EPS15: variants seen among roughly 807,000 people sequenced by gnomAD.
EPS15 encodes the protein epidermal growth factor receptor pathway substrate 15, also known as epidermal growth factor receptor substrate 15.
In EPS15, 72 loss-of-function variants were observed where a neutral mutation model predicts 113.8. The ratio of observed to expected loss-of-function variants is 0.63; its 90% CI spans 0.52 to 0.77. EPS15 has a LOEUF of 0.77. Ranked by LOEUF, EPS15 falls within the 30% of genes least tolerant of loss-of-function variation. The pLI is 0.00. For missense variants in EPS15, 1,048 were observed against 1,045.8 expected, an observed-to-expected ratio of 1.00 and a Z score of -0.03; for synonymous variants, 344 against 363.4, an observed-to-expected ratio of 0.95 and a Z score of 0.61.
rs1653122828 is a variant in EPS15, at chr1:51,447,102, C to T, written c.655G>A (p.Val219Ile). The change falls in exon 10 of 25, where the codon GTT (valine) becomes ATT (isoleucine). Residue 219 changes from valine (V) to isoleucine (I), a missense_variant. By Grantham distance (29) the Val-to-Ile change is conservative (BLOSUM62 3). Transcript: ENST00000371733. ...TTAGCTTTTTCTGCAGGGGATACAA[C>T]CCACTACAGGGAGGAAAAAAAACAG... Reference protein sequence around the residue: ...LVPPSKRKTWVVSPAEKAKYD... With the variant: ...LVPPSKRKTWIVSPAEKAKYD... 2 of 1,602,438 alleles carry T rather than the reference C, an allele frequency of 1.2e-6. No homozygotes were observed. The highest frequency in any genetic ancestry group is 2.7e-5 in the African/African-American group (2 of 74,102).
At chr1:51,383,807 T>C (rs1027779761) in intron 21 of EPS15, among the ~76,000 whole-genome samples, 6 of 152,158 alleles carry the variant, frequency 3.9e-5, no homozygotes, top group African/African-American at 1.2e-4. Context: ...ATAAAATCTG[T>C]TTGCAAATAA....
chr1:51,399,679 T>C (rs1216309183), intron 19 of EPS15, among the ~76,000 whole-genome samples: 1 of 148,918 alleles, frequency 6.7e-6, no homozygotes, highest in Non-Finnish European at 1.5e-5. Flanking sequence ...GCTAACACAG[T>C]GAAACCCTGT....
chr1:51,423,411 C>G (rs1371334295), intron 12 of EPS15: 1 of 1,111,702 alleles, frequency 9.0e-7, no homozygotes, highest in Non-Finnish European at 1.1e-6. Flanking sequence ...AAATACCCAA[C>G]AAATTCTGCA....
intron 21 of EPS15, among the ~76,000 whole-genome samples, chr1:51,390,211 A>G (rs1464762874): frequency 3.9e-5 from 6 of 151,960 alleles, no homozygotes; most frequent in Non-Finnish European, 8.8e-5. Context: ...ACAAGCAATG[A>G]GGAAAGGATT....
intron 1 of EPS15, among the ~76,000 whole-genome samples, chr1:51,489,286 C>CATATATAT (rs71063034): frequency 0.029 from 4,057 of 141,640 alleles, 86 homozygotes; most frequent in Non-Finnish European, 0.044. Flanking sequence ...CCTAGTATAC[C>CATATATAT]ATATATATAT....
chr1:51,505,839 T>C (rs772491914), intron 1 of EPS15, among the ~76,000 whole-genome samples: 2 of 152,148 alleles, frequency 1.3e-5, no homozygotes, highest in East Asian at 3.8e-4. Flanking sequence ...TCATCCAGGC[T>C]GGAGTGCAAT....
intron 8 of EPS15, among the ~76,000 whole-genome samples, chr1:51,457,378 G>A (rs1273703464): frequency 6.6e-6 from 1 of 151,908 alleles, no homozygotes; most frequent in Non-Finnish European, 1.5e-5. Flanking sequence ...CTAGAGTAAT[G>A]GTTGAAAATC....
chr1:51,495,341 A>G (rs778367546), intron 1 of EPS15, among the ~76,000 whole-genome samples: 9 of 141,870 alleles, frequency 6.3e-5, no homozygotes, highest in Non-Finnish European at 9.3e-5. Context: ...AGTTTTATTT[A>G]TTTTTATTTT....
At chr1:51,402,553 T>G in intron 17 of EPS15, 28 bp from the exon 18 acceptor site, 4 of 1,234,052 alleles carry the variant, frequency 3.2e-6, no homozygotes, top group Non-Finnish European at 4.6e-6. Flanking sequence ...TTAAAATTAT[T>G]TTTTAGAAAC....
rs1410778614 is a variant in EPS15, at chr1:51,367,824, A to C, written c.2120-1795T>G. ...AGAACTGCAAAAGAGAAGGCAAGAC[A>C]AAGAGGCACAGAAAAGTTCTCCTCA... On this transcript the variant is annotated intron_variant, in intron 21 of 24. Transcript: ENST00000371733. Among the ~76,000 whole-genome samples, 3 of 152,272 alleles carry C rather than the reference A, an allele frequency of 2.0e-5. No individual in the cohort carries two copies. The East Asian group carries it at 5.8e-4, about 29-fold the overall frequency.
intron 10 of EPS15, among the ~76,000 whole-genome samples, chr1:51,446,453 CTTTTTTT>C (rs370161989): frequency 7.6e-6 from 1 of 132,252 alleles, no homozygotes; most frequent in Non-Finnish European, 1.6e-5. Context: ...CACTGTCATT[CTTTTTTT>C]TTTTTTTTTT....
intron 10 of EPS15, among the ~76,000 whole-genome samples, chr1:51,445,469 C>T (rs1345772716): frequency 6.6e-6 from 1 of 152,128 alleles, no homozygotes; most frequent in Non-Finnish European, 1.5e-5. Context: ...TTTGATATTG[C>T]TATGCCTCCT....
Position 51,405,968 on chromosome 1 carries a change from G to A in EPS15, c.1614C>T (p.Asn538=), listed in dbSNP as rs755563586. The change falls in exon 16 of 25, where the codon AAC becomes AAT. Residue 538 remains asparagine, a synonymous_variant. Transcript: ENST00000371733. The part of the protein sequence containing the change: ...SLSTSSSETA[N]LNEHVEGQSN... Reference sequence around the variant, plus strand: ...TCTGGCCTTCAACATGTTCATTAAGGTTGGCTGTTTCACTGCTGCTGGTGC... The same window carrying A: ...TCTGGCCTTCAACATGTTCATTAAGATTGGCTGTTTCACTGCTGCTGGTGC... 7 of 1,614,016 alleles carry A rather than the reference G, an allele frequency of 4.3e-6. No individual in the cohort carries two copies. In the South Asian group the frequency reaches 7.7e-5, roughly 18 times the overall value.
chr1:51,456,053 G>C (rs1390575831), intron 8 of EPS15, among the ~76,000 whole-genome samples: 1 of 151,936 alleles, frequency 6.6e-6, no homozygotes, highest in Non-Finnish European at 1.5e-5. Flanking sequence ...AAAGAAACAA[G>C]GGCCATTCAT....
chr1:51,371,139 G>A (rs1327901972), intron 21 of EPS15, among the ~76,000 whole-genome samples: 2 of 151,892 alleles, frequency 1.3e-5, no homozygotes, highest in East Asian at 1.9e-4. Flanking sequence ...GGCTGGTCTC[G>A]AACTCCCAAC....
chr1:51,363,916 G>C lies in EPS15; in HGVS notation c.2309C>G (p.Ala770Gly), dbSNP rs1316762182. 1 of 1,613,878 alleles carries C rather than the reference G, an allele frequency of 6.2e-7. No homozygotes were observed. Among genetic ancestry groups the C allele is most frequent in the East Asian group, 2.2e-5 (1 of 44,886 alleles). The change falls in exon 23 of 25, where the codon GCA (alanine) becomes GGA (glycine). Residue 770 changes from alanine (A) to glycine (G), a missense_variant. Coordinates refer to ENST00000371733, the MANE Select transcript of EPS15 (RefSeq NM_001981.3). ...TSVKSEDEPP[A>G]LPPKIGTPTR... The stretch of plus-strand genomic sequence containing the variant: ...TGGAGTTCCGATCTTTGGTGGCAGT[G>C]CTGGGGGTTCATCTTCACTTTTGAC...
intron 21 of EPS15, among the ~76,000 whole-genome samples, chr1:51,377,183 G>C (rs1409002087): frequency 6.6e-6 from 1 of 152,166 alleles, no homozygotes; most frequent in Admixed American, 6.6e-5. Flanking sequence ...AAAATCATTT[G>C]AACCCAAGAG....
At chr1:51,460,754 G>T (rs1233257045) in intron 8 of EPS15, among the ~76,000 whole-genome samples, 5 of 152,154 alleles carry the variant, frequency 3.3e-5, no homozygotes, top group Non-Finnish European at 7.4e-5. Context: ...AGGAGTTCAA[G>T]ACCAGCCTAG....
intron 7 of EPS15, chr1:51,463,470 C>T (rs1459868487): frequency 2.4e-6 from 1 of 418,564 alleles, no homozygotes; most frequent in Non-Finnish European, 4.2e-6. Context: ...ATTTCAACCA[C>T]TCATTTTTAC....
Sources: allele counts gnomAD v4.1 joint callset (sites outside exome capture counted in the v4.1 genomes callset), GRCh38; gene constraint gnomAD v4.1.1; transcripts MANE v1.5; gene names NCBI Gene and HGNC (gene_info 2026-07-23, HGNC 2026-07-21).